Variants in WDR81 observed in about 807,000 individuals in gnomAD.
WDR81 encodes the protein WD repeat-containing protein 81.
Under a neutral mutation model 140.8 loss-of-function variants are expected in WDR81, and 92 were observed. The observed-to-expected ratio is 0.65, with a 90% CI of 0.55 to 0.78. WDR81 has a LOEUF of 0.78. Among genes scored for constraint, WDR81 ranks in the 30% least tolerant of loss-of-function variants. WDR81 has a pLI of 0.00. For missense variants in WDR81, 2,502 were observed against 2,636.4 expected, an observed-to-expected ratio of 0.95 and a Z score of 1.12; for synonymous variants, 1,183 against 1,156.4, an observed-to-expected ratio of 1.02 and a Z score of -0.47.
chr17:1,724,776 C>T lies in WDR81; in HGVS notation c.-184C>T. ...GCCCCGCCGCGCCCGGAGCGCAGGA[C>T]CCGCGGAGGGGTAAGCGCGCCCCCC... On this transcript the variant is annotated 5_prime_UTR_variant, in exon 1 of 10. Coordinates refer to ENST00000409644, the MANE Select transcript of WDR81 (RefSeq NM_001163809.2). 8.6e-7 allele frequency: 1 copy of T among 1,162,828 alleles called. No homozygotes were observed. The highest frequency in any genetic ancestry group is 1.1e-6 in the Non-Finnish European group (1 of 943,632). The allele number at this position is 1,162,828 out of a possible 1,614,324, so 72.0% of individuals were successfully genotyped here.
chr17:1,718,627 G>T (rs548531523), intron 1 of WDR81, among the ~76,000 whole-genome samples: 1 of 152,318 alleles, frequency 6.6e-6, no homozygotes, highest in Admixed American at 6.5e-5. Context: ...ATTTTGCCTC[G>T]ATCCTGAGTT....
rs57207396 is a variant in WDR81 at position 1,726,914 on chromosome 17, C to T, written c.1955C>T (p.Pro652Leu). The T allele has an allele frequency of 0.26, 397,305 of 1,550,268 alleles. 54,472 individuals carry two copies. Among genetic ancestry groups the T allele is most frequent in the East Asian group, 0.51 (20,944 of 40,908 alleles). The change falls in exon 1 of 10, where the codon CCG becomes CTG. Residue 652 changes from proline to leucine, a missense_variant. Transcript: ENST00000409644. Reference sequence around the variant, plus strand: ...GAGGCTAGCTGGACCAGAGACAGGCCGGTGGCAGGAGAAGACGACTTGGAA... The same window carrying T: ...GAGGCTAGCTGGACCAGAGACAGGCTGGTGGCAGGAGAAGACGACTTGGAA... The part of the protein sequence containing the change: ...PCEASWTRDR[P>L]VAGEDDLEQA...
chr17:1,736,679 A>G (rs1039657746), intron 9 of WDR81, among the ~76,000 whole-genome samples: 21 of 152,060 alleles, frequency 1.4e-4, no homozygotes, highest in Admixed American at 5.9e-4. Flanking sequence ...ACGCCTGGGC[A>G]TGGGGATCCT....
chr17:1,735,487 G>A lies in WDR81; in HGVS notation c.5180-85G>A, dbSNP rs560902975. The A allele has an allele frequency of 1.0e-4, 134 of 1,334,276 alleles. No individual in the cohort carries two copies. Among genetic ancestry groups the A allele is most frequent in the Admixed American group, 1.9e-4 (7 of 36,066 alleles). 82.7% of individuals were successfully genotyped at this position (1,334,276 alleles called of 1,614,324 possible). On this transcript the variant is annotated intron_variant, in intron 7 of 9. Transcript: ENST00000409644. The surrounding 1 kb of genome is among the most constrained non-coding windows in gnomAD (Gnocchi z 4.2). Reference sequence around the variant, plus strand: ...GATCCCTGGGGGACGGGAGGCAGGTGTGCGGTGAGTTGGGGGATTAGAAGC... The same window carrying A: ...GATCCCTGGGGGACGGGAGGCAGGTATGCGGTGAGTTGGGGGATTAGAAGC...
intron 2 of WDR81, 48 bp from the exon 3 acceptor site, chr17:1,730,707 C>T (rs1309718875): frequency 1.3e-6 from 2 of 1,557,764 alleles, no homozygotes; most frequent in South Asian, 2.4e-5. Flanking sequence ...GCCAGGCTAC[C>T]CCCGGCCCTC....
Position 1,725,331 on chromosome 17 carries a change from C to G in WDR81, c.372C>G (p.Pro124=), listed in dbSNP as rs1180385545. 1 of 1,549,032 alleles carries G rather than the reference C, an allele frequency of 6.5e-7. No homozygotes were observed. Among genetic ancestry groups the G allele is most frequent in the Non-Finnish European group, 8.7e-7 (1 of 1,146,970 alleles). ...CCTACCCTCTGGGCGGGGGCCTGCC[C>G]TTTGAGGACGGGTCCTGCGGCCCTG... ...RLSYPLGGGL[P]FEDGSCGPET... Residue 124 remains proline, a synonymous_variant, in exon 1 of 10, where the codon CCC becomes CCG. Transcript: ENST00000409644.
Position 1,724,889 on chromosome 17 carries a change from C to T in WDR81, c.-71C>T, listed in dbSNP as rs1455433050. ...CCATCCCAGCCCCGCCGGCCTGGCACCCCGGAAGCCGTCGCCAGCAGGGCC... is the reference window on the plus strand; with the variant it reads ...CCATCCCAGCCCCGCCGGCCTGGCATCCCGGAAGCCGTCGCCAGCAGGGCC... On this transcript the variant is annotated 5_prime_UTR_variant, in exon 1 of 10. Transcript: ENST00000409644. The T allele has an allele frequency of 2.0e-5, 26 of 1,282,962 alleles. No individual in the cohort carries two copies. The Admixed American group carries it at 3.3e-4, about 16-fold the overall frequency. The allele number at this position is 1,282,962 out of a possible 1,614,324, so 79.5% of individuals were successfully genotyped here. A position where few individuals can be genotyped will look rare whatever the true frequency, so the allele number is the denominator to read the frequency against.
chr17:1,724,954 G>C lies in WDR81; in HGVS notation c.-6G>C, dbSNP rs1048582836. 13 of 1,427,868 alleles carry C rather than the reference G, an allele frequency of 9.1e-6. No homozygotes were observed. Among genetic ancestry groups the C allele is most frequent in the Non-Finnish European group, 1.2e-5 (13 of 1,095,466 alleles). 88.4% of individuals were successfully genotyped at this position (1,427,868 alleles called of 1,614,324 possible). On this transcript the variant is annotated 5_prime_UTR_variant, in exon 1 of 10. Coordinates refer to ENST00000409644, the MANE Select transcript of WDR81 (RefSeq NM_001163809.2). The stretch of plus-strand genomic sequence containing the variant: ...CCCCGCGCTGCCCCCGGGCGGCCTG[G>C]AGGAGATGGCCCAGGGCAGCGGGGG...
Position 1,724,749 on chromosome 17 carries a change from C to A in WDR81, c.-211C>A. 12 of 1,126,874 alleles carry A rather than the reference C, an allele frequency of 1.1e-5. No homozygotes were observed. Among genetic ancestry groups the A allele is most frequent in the Non-Finnish European group, 1.3e-5 (12 of 921,550 alleles). 69.8% of individuals were successfully genotyped at this position (1,126,874 alleles called of 1,614,324 possible). A position where few individuals can be genotyped will look rare whatever the true frequency, so the allele number is the denominator to read the frequency against. Reference sequence around the variant, plus strand: ...GCCCGGTGCTCGCGCCCGGCAGCCTCTGCCCCGCCGCGCCCGGAGCGCAGG... The same window carrying A: ...GCCCGGTGCTCGCGCCCGGCAGCCTATGCCCCGCCGCGCCCGGAGCGCAGG... On this transcript the variant is annotated 5_prime_UTR_variant, in exon 1 of 10. The change creates a new upstream start codon in the 5' untranslated region. Coordinates refer to ENST00000409644, the MANE Select transcript of WDR81 (RefSeq NM_001163809.2).
chr17:1,718,297 T>C (rs1914695854), intron 1 of WDR81, among the ~76,000 whole-genome samples: 1 of 152,154 alleles, frequency 6.6e-6, no homozygotes, highest in South Asian at 2.1e-4. Flanking sequence ...TTTGTATTTT[T>C]AGTAGAGATG....
Position 1,731,146 on chromosome 17 carries a change from A to ATG in WDR81, c.4045_4046insTG (p.Thr1349MetfsTer52). On this transcript the variant is annotated frameshift_variant, in exon 4 of 10. Transcript: ENST00000409644. LOFTEE classifies it high-confidence loss of function. ...GGGGCTGCTGGCCGCGGTGACGCTG[A>ATG]CTCAGAAGATCATCGTGTACCTCTC... The ATG allele has an allele frequency of 6.2e-7, 1 of 1,613,294 alleles. No individual in the cohort carries two copies. The highest frequency in any genetic ancestry group is 8.5e-7 in the Non-Finnish European group (1 of 1,180,008).
chr17:1,726,062 G>A lies in WDR81; in HGVS notation c.1103G>A (p.Arg368Gln). ...SNFHYLMQLN[R>Q]LAGRRQGDPN... Reference sequence around the variant, plus strand: ...TTCCACTACCTCATGCAGCTGAATCGGTTGGCAGGTCGGCGGCAGGGGGAC... The same window carrying A: ...TTCCACTACCTCATGCAGCTGAATCAGTTGGCAGGTCGGCGGCAGGGGGAC... Residue 368 changes from arginine to glutamine, a missense_variant, in exon 1 of 10, where the codon CGG (arginine) becomes CAG (glutamine). Arg to Gln is a conservative substitution (Grantham distance 43). This residue lies in a region of WDR81 where 547 missense variants were observed against 513.8 expected (regional missense o/e 1.06). Transcript: ENST00000409644. 3.9e-6 allele frequency: 6 copies of A among 1,547,736 alleles called. No homozygotes were observed. Among genetic ancestry groups the A allele is most frequent in the Middle Eastern group, 1.7e-4 (1 of 5,988 alleles).
rs1915226786 is a variant in WDR81 at position 1,726,054 on chromosome 17, G to A, written c.1095G>A (p.Gln365=). The A allele has an allele frequency of 6.5e-7, 1 of 1,547,732 alleles. No individual in the cohort carries two copies. The highest frequency in any genetic ancestry group is 1.2e-5 in the South Asian group (1 of 83,784). Residue 365 remains glutamine (Q), a synonymous_variant, in exon 1 of 10, where the codon CAG becomes CAA. Transcript: ENST00000409644. ...GRISNFHYLM[Q]LNRLAGRRQG... is the part of the protein sequence containing the mutation. ...TCAGCAACTTCCACTACCTCATGCA[G>A]CTGAATCGGTTGGCAGGTCGGCGGC... is the stretch of plus-strand genomic sequence containing the variant.
chr17:1,717,492 A>G (rs749898146), intron 1 of WDR81, among the ~76,000 whole-genome samples: 9 of 152,212 alleles, frequency 5.9e-5, no homozygotes, highest in Non-Finnish European at 1.2e-4. Context: ...GCACTCCATC[A>G]GGTAATTGAT....
chr17:1,720,288 C>T (rs779174560), upstream of WDR81, among the ~76,000 whole-genome samples: 5 of 152,162 alleles, frequency 3.3e-5, no homozygotes, highest in Non-Finnish European at 5.9e-5. Context: ...CTGAGATTCC[C>T]CAGAGCCCAA....
chr17:1,732,407 C>G lies in WDR81; in HGVS notation c.4240C>G (p.Gln1414Glu), dbSNP rs779015895. Residue 1414 changes from glutamine to glutamate, a missense_variant, in exon 5 of 10, where the codon CAG (glutamine) becomes GAG (glutamate). Transcript: ENST00000409644. ...CGCCCTCATCTGCCTGCGCATTGGA[C>G]AGGAGATGGTCCAGCAGCACCTGAG... ...LIALICLRIG[Q>E]EMVQQHLSEP... 6.2e-7 allele frequency: 1 copy of G among 1,613,670 alleles called. No homozygotes were observed. Among genetic ancestry groups the G allele is most frequent in the South Asian group, 1.1e-5 (1 of 91,078 alleles).
rs117843018 is a variant in WDR81 at position 1,730,309 on chromosome 17, C to T, written c.3668-71C>T. On this transcript the variant is annotated intron_variant, in intron 1 of 9. Transcript: ENST00000409644. ...AGCCGCAGGTGGTTGAGTGGGGTGC[C>T]GTGGGGTGGGGTGGGAGGGGTGATG... 3.1e-3 allele frequency: 3,226 copies of T among 1,024,142 alleles called. 122 individuals are homozygous for T. In the East Asian group the frequency reaches 0.13, roughly 41 times the overall value. The allele number at this position is 1,024,142 out of a possible 1,614,324, so 63.4% of individuals were successfully genotyped here.
Position 1,732,345 on chromosome 17 carries a change from C to G in WDR81, c.4178C>G (p.Ala1393Gly). The G allele has an allele frequency of 1.2e-6, 2 of 1,613,324 alleles. No homozygotes were observed. Among genetic ancestry groups the G allele is most frequent in the Non-Finnish European group, 1.7e-6 (2 of 1,180,000 alleles). The change falls in exon 5 of 10, where the codon GCT becomes GGT. Residue 1393 changes from alanine (A) to glycine (G), a missense_variant. Coordinates refer to ENST00000409644, the MANE Select transcript of WDR81 (RefSeq NM_001163809.2). ...LVTGFPSGAQ[A>G]RTILCVKTIS... is the part of the protein sequence containing the mutation. ...TCCAGGTTCCCAAGTGGGGCCCAGG[C>G]TCGGACCATCCTGTGTGTGAAAACC...
At chr17:1,716,604 C>T in exon 1 of WDR81, 7 of 1,551,562 alleles carry the variant, frequency 4.5e-6, no homozygotes, top group Non-Finnish European at 6.1e-6. Context: ...CTCAGCCTGA[C>T]ACCGTCGTTC....
Sources: allele counts gnomAD v4.1 joint callset (sites outside exome capture counted in the v4.1 genomes callset), GRCh38; gene constraint gnomAD v4.1.1; regional missense constraint gnomAD v4.1.1; non-coding constraint Gnocchi (gnomAD v3.1); transcripts MANE v1.5; gene names NCBI Gene and HGNC (gene_info 2026-07-23, HGNC 2026-07-21).